Variants in CSGALNACT1 observed in about 807,000 individuals in gnomAD.
CSGALNACT1 encodes the protein chondroitin sulfate N-acetylgalactosaminyltransferase 1, also known as beta4GalNAcT-1.
CSGALNACT1 carries 52 observed loss-of-function variants against 51.0 expected under a neutral mutation model. That is an observed-to-expected ratio of 1.02 (90% CI 0.82 to 1.29). The LOEUF (loss-of-function observed/expected upper bound fraction) is 1.29. Among genes scored for constraint, CSGALNACT1 ranks in the 50% most tolerant of loss-of-function variants. The pLI is 0.00. For synonymous variants in CSGALNACT1, 341 were observed against 254.4 expected, an observed-to-expected ratio of 1.34 and a Z score of -3.24; for missense variants, 935 against 679.2, an observed-to-expected ratio of 1.38 and a Z score of -4.19.
At chr8:19,512,608 C>A (rs112683413) in intron 3 of CSGALNACT1, among the ~76,000 whole-genome samples, 1,769 of 152,062 alleles carry the variant, frequency 0.012, 32 homozygotes, top group African/African-American at 0.04. Context: ...TAATCTTGTG[C>A]CATCAGAAAT....
chr8:19,595,199 G>A (rs570980950), intron 2 of CSGALNACT1, among the ~76,000 whole-genome samples: 13 of 151,940 alleles, frequency 8.6e-5, no homozygotes, highest in Admixed American at 6.6e-4. Flanking sequence ...TAACCATCCC[G>A]TTTTAAATTT....
At chr8:19,682,076 G>C (rs1026211003) in intron 1 of CSGALNACT1, among the ~76,000 whole-genome samples, 3 of 152,186 alleles carry the variant, frequency 2.0e-5, no homozygotes, top group African/African-American at 7.2e-5. Context: ...AGAAACTTGA[G>C]GAGTCTGAGA....
chr8:19,636,776 C>T (rs955847602), intron 1 of CSGALNACT1, among the ~76,000 whole-genome samples: 3 of 152,170 alleles, frequency 2.0e-5, no homozygotes, highest in Non-Finnish European at 4.4e-5. Flanking sequence ...AGTTTTGTAA[C>T]GTTTTTTACC....
intron 1 of CSGALNACT1, among the ~76,000 whole-genome samples, chr8:19,631,244 G>C (rs1466519012): frequency 6.6e-6 from 1 of 152,004 alleles, no homozygotes; most frequent in Non-Finnish European, 1.5e-5. Flanking sequence ...TATATGCTAA[G>C]ACTATGTTTA....
chr8:19,609,763 A>T (rs2051940041), intron 1 of CSGALNACT1, among the ~76,000 whole-genome samples: 1 of 152,166 alleles, frequency 6.6e-6, no homozygotes, highest in African/African-American at 2.4e-5. Flanking sequence ...TTTTGGTAAT[A>T]GTTTCATATG....
intron 1 of CSGALNACT1, among the ~76,000 whole-genome samples, chr8:19,611,714 G>A (rs2052291374): frequency 6.6e-6 from 1 of 152,242 alleles, no homozygotes; most frequent in African/African-American, 2.4e-5. Context: ...GGCTTAAAAA[G>A]ACTCTTTCTT....
Position 19,751,958 on chromosome 8 carries a change from AC to A in CSGALNACT1, c.-297+5891del, listed in dbSNP as rs2065055826. On this transcript the variant is annotated intron_variant, in intron 1 of 1. Coordinates refer to the CSGALNACT1 transcript ENST00000517494. Reference sequence around the variant, plus strand: ...GGTAGTTCTTTACATCATTGTGAGAACAGACTAATACATGTGTATATTTATA... The same window carrying A: ...GGTAGTTCTTTACATCATTGTGAGAAAGACTAATACATGTGTATATTTATA... Among the ~76,000 whole-genome samples, 6 of 151,904 alleles carry A rather than the reference AC, an allele frequency of 3.9e-5. No homozygotes were observed. In the South Asian group the frequency reaches 1.2e-3, roughly 32 times the overall value.
At chr8:19,729,119 C>A (rs556040055) in intron 1 of CSGALNACT1, among the ~76,000 whole-genome samples, 18 of 151,462 alleles carry the variant, frequency 1.2e-4, no homozygotes, top group Admixed American at 2.0e-4. Flanking sequence ...CTACTAGATA[C>A]AACTAAGTGA....
At chr8:19,642,637 C>G (rs2056856060) in intron 1 of CSGALNACT1, among the ~76,000 whole-genome samples, 1 of 151,752 alleles carries the variant, frequency 6.6e-6, no homozygotes, top group Non-Finnish European at 1.5e-5. Context: ...ACAAAACTAG[C>G]TGGGCATGGT....
At chr8:19,635,115 T>A (rs2055854237) in intron 1 of CSGALNACT1, among the ~76,000 whole-genome samples, 1 of 152,190 alleles carries the variant, frequency 6.6e-6, no homozygotes, top group Non-Finnish European at 1.5e-5. Context: ...AAATAAGATC[T>A]GTTTACCTCC....
intron 4 of CSGALNACT1, among the ~76,000 whole-genome samples, chr8:19,470,398 G>C (rs1250339285): frequency 6.6e-6 from 1 of 152,194 alleles, no homozygotes; most frequent in Non-Finnish European, 1.5e-5. Context: ...CAACGCAGAG[G>C]TGCAGGCAGC....
At chr8:19,594,674 G>C (rs982642087) in intron 2 of CSGALNACT1, among the ~76,000 whole-genome samples, 7 of 151,544 alleles carry the variant, frequency 4.6e-5, no homozygotes, top group African/African-American at 1.7e-4. Flanking sequence ...TTCCCAAGTA[G>C]TTGGGATTAC....
intron 6 of CSGALNACT1, among the ~76,000 whole-genome samples, chr8:19,424,426 C>T (rs1291756885): frequency 6.6e-6 from 1 of 152,134 alleles, no homozygotes; most frequent in Non-Finnish European, 1.5e-5. Flanking sequence ...CAACTCCTCT[C>T]TTGCCATCAG....
intron 1 of CSGALNACT1, among the ~76,000 whole-genome samples, chr8:19,620,854 CCTT>C (rs2053732489): frequency 6.6e-6 from 1 of 152,138 alleles, no homozygotes; most frequent in Admixed American, 6.5e-5. Flanking sequence ...ACCAGATGCT[CCTT>C]CTCAAGTCCA....
chr8:19,585,639 T>G (rs189621330), intron 3 of CSGALNACT1, among the ~76,000 whole-genome samples: 2 of 152,316 alleles, frequency 1.3e-5, no homozygotes, highest in Admixed American at 6.5e-5. Context: ...CCCATTAATC[T>G]TACTGTGCCA....
rs552300228 is a variant in CSGALNACT1, at chr8:19,584,192, A to G, written c.-297+6968T>C. ...GCTGTTTTTTCATCTGCAGAACGTA[A>G]TAGTCTAACTAAACAATCACCTCCC... is the stretch of plus-strand genomic sequence containing the variant. On this transcript the variant is annotated intron_variant, in intron 3 of 9. Transcript: ENST00000454498. Among the ~76,000 whole-genome samples the G allele has an allele frequency of 1.2e-4, 18 of 152,318 alleles. No individual in the cohort carries two copies. In the South Asian group the frequency reaches 1.7e-3, roughly 14 times the overall value.
At chr8:19,496,604 C>T (rs1163819254) in intron 4 of CSGALNACT1, among the ~76,000 whole-genome samples, 1 of 152,178 alleles carries the variant, frequency 6.6e-6, no homozygotes, top group Non-Finnish European at 1.5e-5. Context: ...AACCACATAA[C>T]CTTAGAATCC....
intron 3 of CSGALNACT1, among the ~76,000 whole-genome samples, chr8:19,515,751 A>G (rs912515949): frequency 6.6e-6 from 1 of 152,074 alleles, no homozygotes; most frequent in African/African-American, 2.4e-5. Context: ...TTTGCTGGCA[A>G]ACTTTTAGAG....
intron 3 of CSGALNACT1, among the ~76,000 whole-genome samples, chr8:19,567,446 A>T (rs1236408836): frequency 6.6e-6 from 1 of 152,216 alleles, no homozygotes; most frequent in African/African-American, 2.4e-5. Context: ...TGTATGATAA[A>T]ACTCATCATC....
Sources: gnomAD v4.1 joint callset for allele counts (sites outside exome capture counted in the v4.1 genomes callset) on GRCh38, gnomAD v4.1.1 for gene constraint, MANE v1.5 for transcripts, NCBI Gene and HGNC (gene_info 2026-07-23, HGNC 2026-07-21) for gene names.